Variants in STK32B observed in about 807,000 individuals in gnomAD.
STK32B encodes the protein serine/threonine-protein kinase 32B.
STK32B carries 43 observed loss-of-function variants against 52.6 expected under a neutral mutation model. That is an observed-to-expected ratio of 0.82 (90% CI 0.64 to 1.05). The LOEUF is 1.05. Among genes scored for constraint, STK32B ranks in the 50% least tolerant of loss-of-function variants. The pLI, the probability that STK32B is intolerant of heterozygous loss-of-function variation, is 0.00. For missense variants in STK32B, 621 were observed against 534.6 expected (o/e 1.16, Z -1.59); for synonymous variants, 238 against 204.3 (o/e 1.17, Z -1.41).
At chr4:5,484,271 C>T (rs890176247) in intron 11 of STK32B, among the ~76,000 whole-genome samples, 84 of 152,130 alleles carry the variant, frequency 5.5e-4, no homozygotes, top group Admixed American at 2.0e-3. Flanking sequence ...TCTGGGTACT[C>T]CTGTATTGGG....
intron 7 of STK32B, among the ~76,000 whole-genome samples, chr4:5,451,777 C>T (rs1294236786): frequency 6.6e-6 from 1 of 152,158 alleles, no homozygotes; most frequent in East Asian, 1.9e-4. Context: ...TGACTCCAAA[C>T]ATTGCCACAT....
chr4:5,118,678 ACTTATTTGCTC>A (rs1402031645), intron 1 of STK32B, among the ~76,000 whole-genome samples: 6 of 152,080 alleles, frequency 3.9e-5, no homozygotes, highest in African/African-American at 1.4e-4. Flanking sequence ...CAGTTGTCCT[ACTTATTTGCTC>A]CTTTCCTCTC....
intron 6 of STK32B, among the ~76,000 whole-genome samples, chr4:5,438,688 G>C (rs1317102515): frequency 2.0e-5 from 3 of 152,150 alleles, no homozygotes; most frequent in African/African-American, 7.2e-5. Flanking sequence ...TGCCATGCTG[G>C]TGCGCTGCAC....
intron 4 of STK32B, among the ~76,000 whole-genome samples, chr4:5,335,070 A>T (rs925230431): frequency 6.6e-6 from 1 of 152,020 alleles, no homozygotes; most frequent in South Asian, 2.1e-4. Flanking sequence ...TCCTCCTTGT[A>T]CCTCTGGTAG....
At chr4:5,353,656 C>A (rs1056417137) in intron 4 of STK32B, among the ~76,000 whole-genome samples, 109 of 152,126 alleles carry the variant, frequency 7.2e-4, no homozygotes, top group Admixed American at 2.1e-3. Context: ...CATCACTAAT[C>A]ATCAGGGAAA....
intron 1 of STK32B, among the ~76,000 whole-genome samples, chr4:5,082,005 TC>T (rs752840279): frequency 6.6e-6 from 1 of 151,994 alleles, no homozygotes. Flanking sequence ...GAAAAAGCAG[TC>T]CCCCCCAGTT....
chr4:5,479,265 G>A (rs758315201), intron 11 of STK32B, among the ~76,000 whole-genome samples: 57 of 151,380 alleles, frequency 3.8e-4, no homozygotes, highest in Admixed American at 4.0e-4. Flanking sequence ...GATTACAGGC[G>A]CCCACCACCA....
chr4:5,429,869 G>A (rs776002698), intron 6 of STK32B, among the ~76,000 whole-genome samples: 11 of 150,496 alleles, frequency 7.3e-5, no homozygotes, highest in Non-Finnish European at 1.3e-4. Flanking sequence ...TAAGAGGGTG[G>A]TTTTTTTTTC....
At chr4:5,111,602 G>A (rs1714410789) in intron 1 of STK32B, among the ~76,000 whole-genome samples, 1 of 152,050 alleles carries the variant, frequency 6.6e-6, no homozygotes, top group African/African-American at 2.4e-5. Context: ...AATAGACTCT[G>A]GAGACTTCAA....
intron 6 of STK32B, among the ~76,000 whole-genome samples, chr4:5,438,349 A>C (rs1714319923): frequency 6.6e-6 from 1 of 152,128 alleles, no homozygotes; most frequent in Non-Finnish European, 1.5e-5. Context: ...TTAAATATTC[A>C]CTCATCCGAT....
chr4:5,398,351 T>G lies in STK32B; in HGVS notation c.472+107T>G, dbSNP rs963611042. On this transcript the variant is annotated intron_variant, in intron 5 of 11. Coordinates refer to ENST00000282908, the MANE Select transcript of STK32B (RefSeq NM_018401.3). This position sits in a 1 kb window ranked among gnomAD's most constrained non-coding sequence, Gnocchi z 4.9. ...GTCTTGCTGAGTTGGACATTAGCAT[T>G]GGCTAGAAACCTTCTCTTGTTTCAA... 2.0e-5 allele frequency: 23 copies of G among 1,169,874 alleles called. No individual in the cohort carries two copies. The Admixed American group carries it at 4.5e-4, about 23-fold the overall frequency. The allele number at this position is 1,169,874 out of a possible 1,614,324, so 72.5% of individuals were successfully genotyped here. A position where few individuals can be genotyped will look rare whatever the true frequency, so the allele number is the denominator to read the frequency against.
intron 3 of STK32B, among the ~76,000 whole-genome samples, chr4:5,188,393 G>A (rs1358362078): frequency 6.6e-6 from 1 of 152,194 alleles, no homozygotes; most frequent in East Asian, 1.9e-4. Context: ...TCAAGTGTTT[G>A]AAAGTCACAT....
intron 4 of STK32B, among the ~76,000 whole-genome samples, chr4:5,331,900 C>G (rs761649401): frequency 1.3e-5 from 2 of 152,206 alleles, no homozygotes; most frequent in Non-Finnish European, 2.9e-5. Context: ...CTATGCACAG[C>G]AGTGCCATGT....
intron 9 of STK32B, among the ~76,000 whole-genome samples, chr4:5,462,721 C>T (rs908453862): frequency 1.3e-5 from 2 of 152,132 alleles, no homozygotes; most frequent in African/African-American, 4.8e-5. Flanking sequence ...GGATGGGGGA[C>T]TGTCCTTTGC....
intron 2 of STK32B, among the ~76,000 whole-genome samples, chr4:5,142,924 C>T (rs954658097): frequency 4.6e-5 from 7 of 152,186 alleles, no homozygotes; most frequent in Non-Finnish European, 8.8e-5. Flanking sequence ...AAAAGGCTGA[C>T]TTCCCTGATG....
intron 11 of STK32B, among the ~76,000 whole-genome samples, chr4:5,496,771 G>C (rs1171017814): frequency 6.6e-6 from 1 of 151,096 alleles, no homozygotes; most frequent in East Asian, 1.9e-4. Context: ...AGTATGAAGA[G>C]AATGTCTTTA....
the STK32B span, among the ~76,000 whole-genome samples, chr4:5,031,044 G>A: frequency 8.5e-5 from 13 of 152,074 alleles, no homozygotes; most frequent in African/African-American, 1.9e-4. Flanking sequence ...CCAGGGGAGA[G>A]GTGATGTTGA....
the STK32B span, among the ~76,000 whole-genome samples, chr4:5,037,811 A>G: frequency 2.6e-3 from 396 of 152,160 alleles, 1 homozygote; most frequent in African/African-American, 9.4e-3. Flanking sequence ...TTTATTTACC[A>G]CTGCACTGTT....
At chr4:5,119,306 A>T (rs1241617735) in intron 1 of STK32B, among the ~76,000 whole-genome samples, 1 of 152,212 alleles carries the variant, frequency 6.6e-6, no homozygotes, top group African/African-American at 2.4e-5. Context: ...AGACAGGGGA[A>T]ACTTGATATT....
Sources: allele counts gnomAD v4.1 joint callset (sites outside exome capture counted in the v4.1 genomes callset), GRCh38; gene constraint gnomAD v4.1.1; non-coding constraint Gnocchi (gnomAD v3.1); transcripts MANE v1.5; gene names NCBI Gene and HGNC (gene_info 2026-07-23, HGNC 2026-07-21).